Variants in BPI observed in about 807,000 individuals in gnomAD.
The protein encoded by BPI is bactericidal permeability increasing protein, also known as bactericidal permeability-increasing protein.
In BPI, 48 loss-of-function variants were observed where a neutral mutation model predicts 57.6. The ratio of observed to expected loss-of-function variants is 0.83; its 90% CI spans 0.66 to 1.06. The LOEUF (loss-of-function observed/expected upper bound fraction) is 1.06, where lower values mean the gene tolerates loss of function less well. Among genes scored for constraint, BPI ranks in the 50% least tolerant of loss-of-function variants. BPI has a pLI of 0.00. For synonymous variants in BPI, 237 were observed against 238.2 expected (o/e 0.99, Z 0.05); for missense variants, 651 against 609.7 (o/e 1.07, Z -0.71).
intron 12 of BPI, 31 bp downstream of exon 12, chr20:38,331,121 T>A: frequency 6.2e-7 from 1 of 1,609,970 alleles, no homozygotes; most frequent in Non-Finnish European, 8.5e-7. Flanking sequence ...GGCTTCTTCC[T>A]CCTTCTGACC....
chr20:38,337,365 G>A lies in BPI; in HGVS notation c.*181G>A. 1.9e-6 allele frequency: 1 copy of A among 533,908 alleles called. No individual in the cohort carries two copies. The highest frequency in any genetic ancestry group is 3.2e-6 in the Non-Finnish European group (1 of 311,824). The allele number at this position is 533,908 out of a possible 1,614,324, so 33.1% of individuals were successfully genotyped here. On this transcript the variant is annotated 3_prime_UTR_variant, in exon 15 of 15. Coordinates refer to ENST00000642449, the MANE Select transcript of BPI (RefSeq NM_001725.3). ...AACATTATTCATTGGAAAAGTGCAT[G>A]GTGTGTATTTTAGGGATTATGAGCT...
At position 38,326,381 on chromosome 20, in the gene BPI, C is replaced by A. The variant is rs1252013866; in HGVS notation, c.1110C>A (p.Ala370=). 6.2e-7 allele frequency: 1 copy of A among 1,614,066 alleles called. No homozygotes were observed. Among genetic ancestry groups the A allele is most frequent in the East Asian group, 2.2e-5 (1 of 44,888 alleles). Residue 370 remains alanine (A), a synonymous_variant, in exon 10 of 15, where the codon GCC becomes GCA. Coordinates refer to ENST00000642449, the MANE Select transcript of BPI (RefSeq NM_001725.3). Reference sequence around the variant, plus strand: ...TCTACCCTGCCGTGGATGTCCAGGCCTTTGCCGTCCTCCCCAACTCCTCCC... The same window carrying A: ...TCTACCCTGCCGTGGATGTCCAGGCATTTGCCGTCCTCCCCAACTCCTCCC... ...LTFYPAVDVQ[A]FAVLPNSSLA...
chr20:38,327,876 A>C (rs1024636289), intron 11 of BPI, among the ~76,000 whole-genome samples: 1 of 152,180 alleles, frequency 6.6e-6, no homozygotes, highest in African/African-American at 2.4e-5. Context: ...CACACATTGT[A>C]GGTGACCAAC....
At chr20:38,331,530 G>T (rs1181376392) in intron 12 of BPI, among the ~76,000 whole-genome samples, 2 of 152,144 alleles carry the variant, frequency 1.3e-5, no homozygotes, top group African/African-American at 4.8e-5. Context: ...GCCTTACATG[G>T]CAGTGGGAAG....
intron 1 of BPI, among the ~76,000 whole-genome samples, chr20:38,306,949 G>A (rs555435748): frequency 6.6e-6 from 1 of 152,142 alleles, no homozygotes; most frequent in Non-Finnish European, 1.5e-5. Flanking sequence ...TTGGGAGGCT[G>A]AGGTGAGAGG....
intron 11 of BPI, among the ~76,000 whole-genome samples, chr20:38,328,754 TG>T (rs2122555146): frequency 6.6e-6 from 1 of 151,904 alleles, no homozygotes; most frequent in South Asian, 2.1e-4. Flanking sequence ...CCCAGCACCT[TG>T]GGAGGCCATG....
rs567261901 is a variant in BPI, at chr20:38,306,753, C to A, written c.131-814C>A. Among the ~76,000 whole-genome samples the A allele has an allele frequency of 3.9e-5, 6 of 152,220 alleles. No homozygotes were observed. In the East Asian group the frequency reaches 1.2e-3, roughly 29 times the overall value. ...ATAGAGCAAATAACAAATTAAGTATCCAACAAAAACTAGCAGGAGGCATAA... is the reference window on the plus strand; with the variant it reads ...ATAGAGCAAATAACAAATTAAGTATACAACAAAAACTAGCAGGAGGCATAA... On this transcript the variant is annotated intron_variant, in intron 1 of 14. Transcript: ENST00000642449.
chr20:38,304,261 C>G lies in BPI; in HGVS notation c.38C>G (p.Ser13Cys), dbSNP rs1304485169. The change falls in exon 1 of 15, where the codon TCC (serine) becomes TGC (cysteine). Residue 13 changes from serine (S) to cysteine (C), a missense_variant. By Grantham distance (112) the Ser-to-Cys change is moderately radical (BLOSUM62 -1). Coordinates refer to ENST00000642449, the MANE Select transcript of BPI (RefSeq NM_001725.3). ...RGPCNAPRWA[S>C]LMVLVAIGTA... is the part of the protein sequence containing the mutation. ...CCTTGCAACGCGCCGAGATGGGCGT[C>G]CCTGATGGTGCTGGTCGCCATAGGC... is the stretch of plus-strand genomic sequence containing the variant. The G allele has an allele frequency of 1.2e-6, 2 of 1,614,038 alleles. No individual in the cohort carries two copies. Among genetic ancestry groups the G allele is most frequent in the Non-Finnish European group, 1.7e-6 (2 of 1,180,034 alleles).
intron 12 of BPI, among the ~76,000 whole-genome samples, chr20:38,331,480 T>C (rs925696864): frequency 2.0e-5 from 3 of 152,118 alleles, no homozygotes; most frequent in Admixed American, 2.0e-4. Context: ...AAGTATGGGG[T>C]AGGCTGATGC....
intron 5 of BPI, chr20:38,317,543 C>G (rs183136341): frequency 3.0e-6 from 2 of 658,288 alleles, no homozygotes; most frequent in South Asian, 1.7e-5. Context: ...TTGGGCTTCT[C>G]GTAGCATTGA....
intron 7 of BPI, among the ~76,000 whole-genome samples, chr20:38,322,755 C>G (rs564684877): frequency 6.6e-6 from 1 of 152,126 alleles, no homozygotes; most frequent in Non-Finnish European, 1.5e-5. Flanking sequence ...ATTACAGGCT[C>G]CCGCCACCAC....
intron 1 of BPI, among the ~76,000 whole-genome samples, chr20:38,306,372 C>A (rs1006994166): frequency 6.6e-6 from 1 of 152,210 alleles, no homozygotes; most frequent in Non-Finnish European, 1.5e-5. Context: ...AAGTGTCAGG[C>A]ACAATGGGAA....
At chr20:38,324,135 A>G in intron 8 of BPI, 89 bp downstream of exon 8, 1 of 1,435,724 alleles carries the variant, frequency 7.0e-7, no homozygotes, top group South Asian at 1.4e-5. Flanking sequence ...AGCTTTTCTC[A>G]CATTGGGGTA....
chr20:38,309,167 C>A, intron 3 of BPI, 109 bp downstream of exon 3: 2 of 1,478,952 alleles, frequency 1.4e-6, no homozygotes, highest in Non-Finnish European at 1.9e-6. Context: ...CTATTACCAC[C>A]TATAGCCACA....
chr20:38,314,025 G>A (rs1273651557), intron 5 of BPI, among the ~76,000 whole-genome samples: 1 of 148,792 alleles, frequency 6.7e-6, no homozygotes, highest in African/African-American at 2.5e-5. Context: ...TGGTGGAGAT[G>A]ATGAGGATGG....
At chr20:38,324,137 A>G in intron 8 of BPI, 91 bp downstream of exon 8, 2 of 1,435,082 alleles carry the variant, frequency 1.4e-6, no homozygotes, top group South Asian at 2.8e-5. Context: ...CTTTTCTCAC[A>G]TTGGGGTAGG....
chr20:38,321,084 G>A (rs116987612), intron 7 of BPI, among the ~76,000 whole-genome samples: 7 of 100,378 alleles, frequency 7.0e-5, no homozygotes, highest in South Asian at 4.3e-4. Flanking sequence ...TGAATGAATG[G>A]ATGGGAGGGT....
rs561970113 is a variant in BPI at position 38,326,242 on chromosome 20, AT to A, written c.994-21del. On this transcript the variant is annotated intron_variant, in intron 9 of 14. Transcript: ENST00000642449. ...TTAACAGAAACTCCTCCTTTCGTTGATTGTCTCCACTGGGGGCTGCAGGTGG... is the reference window on the plus strand; with the variant it reads ...TTAACAGAAACTCCTCCTTTCGTTGATGTCTCCACTGGGGGCTGCAGGTGG... 1,079 of 1,594,554 alleles carry A rather than the reference AT, an allele frequency of 6.8e-4. 11 individuals are homozygous for A. In the African/African-American group the frequency reaches 0.013, roughly 20 times the overall value.
intron 10 of BPI, 68 bp downstream of exon 10, chr20:38,326,500 A>G (rs1004164601): frequency 1.8e-5 from 26 of 1,478,892 alleles, no homozygotes; most frequent in African/African-American, 2.8e-5. Flanking sequence ...CTTTGGAGTC[A>G]GGAGACCATG....
Sources: gnomAD v4.1 joint callset for allele counts (sites outside exome capture counted in the v4.1 genomes callset) on GRCh38, gnomAD v4.1.1 for gene constraint, MANE v1.5 for transcripts, NCBI Gene and HGNC (gene_info 2026-07-23, HGNC 2026-07-21) for gene names.